The following FAM83B variants were observed in gnomAD, a reference collection of about 807,000 sequenced individuals.
The protein encoded by FAM83B is scaffolding CK1 anchoring protein B.
A neutral mutation model predicts 38.8 loss-of-function variants in FAM83B; 26 were observed. That is an observed-to-expected ratio of 0.67 (90% CI 0.49 to 0.93). The LOEUF (loss-of-function observed/expected upper bound fraction) is 0.93, where lower values mean the gene tolerates loss of function less well. FAM83B is among the 40% of genes least tolerant of loss of function. The pLI is 0.00. For synonymous variants in FAM83B, 419 were observed against 423.1 expected, an observed-to-expected ratio of 0.99 and a Z score of 0.12; for missense variants, 1,237 against 1,197.3, an observed-to-expected ratio of 1.03 and a Z score of -0.49.
At chr6:54,892,059 GTCCC>G (rs1772415505) in intron 2 of FAM83B, among the ~76,000 whole-genome samples, 1 of 152,090 alleles carries the variant, frequency 6.6e-6, no homozygotes, top group Non-Finnish European at 1.5e-5. Flanking sequence ...ACTTGCAACA[GTCCC>G]CTTAACTTAT....
At chr6:54,877,654 A>G (rs1772032900) in intron 2 of FAM83B, among the ~76,000 whole-genome samples, 1 of 152,222 alleles carries the variant, frequency 6.6e-6, no homozygotes, top group African/African-American at 2.4e-5. Context: ...TTGAGCACTT[A>G]CATGTTAGGC....
intron 2 of FAM83B, among the ~76,000 whole-genome samples, chr6:54,904,763 G>A (rs1459051192): frequency 2.0e-5 from 3 of 152,166 alleles, no homozygotes; most frequent in Non-Finnish European, 2.9e-5. Context: ...CCATGGCTTC[G>A]GGAACTGAAT....
intron 1 of FAM83B, among the ~76,000 whole-genome samples, chr6:54,851,513 C>T (rs1222972489): frequency 6.6e-6 from 1 of 152,122 alleles, no homozygotes; most frequent in Admixed American, 6.6e-5. Flanking sequence ...CACTCTGTTG[C>T]CCAGGCTGGA....
intron 2 of FAM83B, among the ~76,000 whole-genome samples, chr6:54,916,995 C>T (rs1054777753): frequency 3.9e-5 from 6 of 152,132 alleles, no homozygotes; most frequent in Non-Finnish European, 8.8e-5. Flanking sequence ...AAATGAGATC[C>T]ACAGGGATGC....
chr6:54,911,747 A>C (rs1310050813), intron 2 of FAM83B, among the ~76,000 whole-genome samples: 2 of 152,108 alleles, frequency 1.3e-5, no homozygotes, highest in African/African-American at 4.8e-5. Flanking sequence ...TGTTTCTGAA[A>C]ATGAAGTCTC....
chr6:54,937,615 A>G (rs1053095689), intron 4 of FAM83B, among the ~76,000 whole-genome samples: 1 of 152,080 alleles, frequency 6.6e-6, no homozygotes, highest in Admixed American at 6.6e-5. Flanking sequence ...ACACAGCTGT[A>G]TCTTACATTA....
intron 2 of FAM83B, among the ~76,000 whole-genome samples, chr6:54,918,963 G>T (rs888328031): frequency 2.0e-5 from 3 of 152,010 alleles, no homozygotes; most frequent in African/African-American, 7.2e-5. Context: ...GAGGCTGAGG[G>T]GTCTTGAGCT....
At chr6:54,851,038 A>ATC (rs1561901781) in intron 1 of FAM83B, among the ~76,000 whole-genome samples, 13 of 138,020 alleles carry the variant, frequency 9.4e-5, no homozygotes, top group Admixed American at 1.5e-4. Flanking sequence ...AAAAAAAAAA[A>ATC]GTGCTGTATT....
chr6:54,848,261 A>G (rs546827785), intron 1 of FAM83B, among the ~76,000 whole-genome samples: 9 of 152,206 alleles, frequency 5.9e-5, no homozygotes, highest in African/African-American at 1.9e-4. Flanking sequence ...ACACCTTCCA[A>G]TTGCAAATTC....
At chr6:54,925,936 AT>A (rs988780223) in intron 2 of FAM83B, among the ~76,000 whole-genome samples, 6 of 151,998 alleles carry the variant, frequency 3.9e-5, no homozygotes, top group Non-Finnish European at 8.8e-5. Flanking sequence ...TTTCTAGAAT[AT>A]TTTTTTCTCT....
chr6:54,923,785 A>G (rs1220272650), intron 2 of FAM83B, among the ~76,000 whole-genome samples: 3 of 151,452 alleles, frequency 2.0e-5, no homozygotes, highest in African/African-American at 7.3e-5. Flanking sequence ...CTGCACCTTT[A>G]TACTTAGCCC....
intron 2 of FAM83B, among the ~76,000 whole-genome samples, chr6:54,897,186 A>G (rs1772557535): frequency 6.6e-6 from 1 of 151,648 alleles, no homozygotes; most frequent in Admixed American, 6.6e-5. Context: ...ACCAGCTAAT[A>G]CTGCTGCTAC....
chr6:54,912,088 C>T (rs965466297), intron 2 of FAM83B, among the ~76,000 whole-genome samples: 1 of 151,732 alleles, frequency 6.6e-6, no homozygotes, highest in Non-Finnish European at 1.5e-5. Context: ...ATGTTTATAA[C>T]TTAACTGTCT....
chr6:54,881,262 AC>A (rs1271829778), intron 2 of FAM83B, among the ~76,000 whole-genome samples: 1 of 152,044 alleles, frequency 6.6e-6, no homozygotes, highest in Admixed American at 6.6e-5. Flanking sequence ...TCATCCCTCT[AC>A]CTCTTAGCAT....
Position 54,927,625 on chromosome 6 carries a change from T to C in FAM83B, c.727T>C (p.Ser243Pro), listed in dbSNP as rs751027674. 3.8e-6 allele frequency: 6 copies of C among 1,599,700 alleles called. No individual in the cohort carries two copies. Among genetic ancestry groups the C allele is most frequent in the Non-Finnish European group, 5.1e-6 (6 of 1,171,748 alleles). Residue 243 changes from serine to proline, a missense_variant, in exon 4 of 5, where the codon TCT becomes CCT. Ser to Pro is a moderately conservative substitution (Grantham distance 74, BLOSUM62 -1). Coordinates refer to ENST00000306858, the MANE Select transcript of FAM83B (RefSeq NM_001010872.3). ...TGACTGCCAGAAAGTGATGTACGGT[T>C]CTTACAGGTAAGATCATTGTGTTTA... ...LVDCQKVMYG[S>P]YSYMWSFEKA... is the part of the protein sequence containing the mutation.
chr6:54,883,092 C>T (rs1182675300), intron 2 of FAM83B, among the ~76,000 whole-genome samples: 1 of 151,972 alleles, frequency 6.6e-6, no homozygotes, highest in Non-Finnish European at 1.5e-5. Context: ...CACCCACCAC[C>T]ACGCCCGGCT....
chr6:54,891,266 G>A (rs539817117), intron 2 of FAM83B, among the ~76,000 whole-genome samples: 1 of 152,176 alleles, frequency 6.6e-6, no homozygotes, highest in South Asian at 2.1e-4. Flanking sequence ...TCGTCCACAT[G>A]ACCAAGACAT....
At chr6:54,876,981 AG>A (rs1772011914) in intron 2 of FAM83B, among the ~76,000 whole-genome samples, 1 of 152,196 alleles carries the variant, frequency 6.6e-6, no homozygotes, top group African/African-American at 2.4e-5. Context: ...CACCTTTAGT[AG>A]TTTGTTGGAA....
At chr6:54,860,411 C>A (rs182295318) in intron 1 of FAM83B, among the ~76,000 whole-genome samples, 109 of 152,126 alleles carry the variant, frequency 7.2e-4, no homozygotes, top group Non-Finnish European at 1.1e-3. Context: ...TGAGTTGTAT[C>A]CTTTATTGTA....
Sources: allele counts gnomAD v4.1 joint callset (sites outside exome capture counted in the v4.1 genomes callset), GRCh38; gene constraint gnomAD v4.1.1; transcripts MANE v1.5; gene names NCBI Gene and HGNC (gene_info 2026-07-23, HGNC 2026-07-21).